Variants in GPC3 observed in about 807,000 individuals in gnomAD.
GPC3 encodes glypican 3.
GPC3 carries 3 observed loss-of-function variants against 34.4 expected under a neutral mutation model. The observed-to-expected ratio is 0.09, with a 90% CI of 0.04 to 0.23. The LOEUF is 0.23. GPC3 is among the 10% of genes least tolerant of loss of function. The probability of loss-of-function intolerance (pLI) is 1.00; values close to 1 mark genes in which losing one functional copy is unlikely to be tolerated. For missense variants in GPC3, 351 were observed against 445.6 expected (o/e 0.79, Z 1.91); for synonymous variants, 177 against 174.0 (o/e 1.02, Z -0.13).
At chrX:133,901,155 T>C (rs1389695062) in intron 2 of GPC3, among the ~76,000 whole-genome samples, 1 of 112,131 alleles carries the variant, frequency 8.9e-6, no homozygotes, top group South Asian at 3.7e-4. Context: ...TTTAATGGCA[T>C]ATGAAATGTT....
At chrX:133,886,781 T>C (rs1327668036) in intron 2 of GPC3, among the ~76,000 whole-genome samples, 1 of 112,334 alleles carries the variant, frequency 8.9e-6, no homozygotes, top group East Asian at 2.8e-4. Flanking sequence ...ATAATTTCCC[T>C]CTTCTGTGTG....
intron 5 of GPC3, among the ~76,000 whole-genome samples, chrX:133,666,241 ACAC>A (rs755025543): frequency 1.1e-4 from 12 of 112,000 alleles, no homozygotes; most frequent in Non-Finnish European, 2.3e-4. Context: ...CCAGGACTAA[ACAC>A]TGCTCCCTGA....
chrX:133,739,701 AAAAAC>A (rs1312810424), intron 3 of GPC3, among the ~76,000 whole-genome samples: 1 of 110,051 alleles, frequency 9.1e-6, no homozygotes, highest in Non-Finnish European at 1.9e-5. Flanking sequence ...AAACAAAAAC[AAAAAC>A]AAAACAAAAC....
chrX:133,772,087 C>T lies in GPC3; in HGVS notation c.338-17911G>A, dbSNP rs753571686. ...TATTTAGTTTTCAGTCTCCTTTCCACATGCCTCTCAAAGAACGCCAGGTAG... is the reference window on the plus strand; with the variant it reads ...TATTTAGTTTTCAGTCTCCTTTCCATATGCCTCTCAAAGAACGCCAGGTAG... On this transcript the variant is annotated intron_variant, in intron 2 of 7. Transcript: ENST00000370818. Among the ~76,000 whole-genome samples the T allele has an allele frequency of 2.7e-5, 3 of 111,406 alleles. No homozygotes were observed. The South Asian group carries it at 1.2e-3, about 43-fold the overall frequency.
chrX:133,945,579 T>C (rs1185095726), intron 2 of GPC3, among the ~76,000 whole-genome samples: 1 of 108,664 alleles, frequency 9.2e-6, no homozygotes, highest in African/African-American at 3.4e-5. Flanking sequence ...CACACTACCA[T>C]AAAGAAGTGA....
chrX:133,922,191 C>G (rs781280363), intron 2 of GPC3, among the ~76,000 whole-genome samples: 6 of 112,447 alleles, frequency 5.3e-5, no homozygotes, highest in Non-Finnish European at 1.1e-4. Flanking sequence ...AGAAGAATGA[C>G]TTTCTCTTCT....
At chrX:133,841,709 A>C in intron 2 of GPC3, among the ~76,000 whole-genome samples, 1 of 112,093 alleles carries the variant, frequency 8.9e-6, no homozygotes, top group Middle Eastern at 4.6e-3. Context: ...ACAAAGTATT[A>C]ATCTTAGGTG....
intron 2 of GPC3, among the ~76,000 whole-genome samples, chrX:133,793,431 T>C (rs746046090): frequency 1.8e-5 from 2 of 112,205 alleles, no homozygotes; most frequent in African/African-American, 6.5e-5. Flanking sequence ...CTGTGATGTA[T>C]GCATTTAAGT....
intron 2 of GPC3, among the ~76,000 whole-genome samples, chrX:133,921,671 A>G (rs923694232): frequency 2.7e-5 from 3 of 112,275 alleles, no homozygotes; most frequent in Non-Finnish European, 5.6e-5. Context: ...GTCCAATTCT[A>G]GCTTTTGAGC....
At chrX:133,906,734 C>T (rs917450419) in intron 2 of GPC3, among the ~76,000 whole-genome samples, 8 of 112,023 alleles carry the variant, frequency 7.1e-5, no homozygotes, top group African/African-American at 1.6e-4. Flanking sequence ...TTTTCATTTC[C>T]GTCTGCAAAA....
chrX:133,935,025 T>C (rs988481266), intron 2 of GPC3, among the ~76,000 whole-genome samples: 17 of 111,621 alleles, frequency 1.5e-4, no homozygotes, highest in African/African-American at 5.2e-4. Context: ...CAAATTTGCT[T>C]TAGCACATGA....
chrX:133,576,070 A>C (rs986504484), intron 7 of GPC3, among the ~76,000 whole-genome samples: 3 of 111,870 alleles, frequency 2.7e-5, no homozygotes, highest in African/African-American at 9.8e-5. Flanking sequence ...TCTGAGCATC[A>C]ACTCCATGGA....
At chrX:133,787,770 C>T (rs894150902) in intron 2 of GPC3, among the ~76,000 whole-genome samples, 3 of 110,957 alleles carry the variant, frequency 2.7e-5, no homozygotes, top group African/African-American at 9.9e-5. Flanking sequence ...TGGTCTTCCA[C>T]GTCCACACCT....
chrX:133,574,282 T>A (rs2124304634), intron 7 of GPC3, among the ~76,000 whole-genome samples: 1 of 111,365 alleles, frequency 9.0e-6, no homozygotes, highest in East Asian at 2.8e-4. Context: ...TAAAAACCAC[T>A]GAATTCTACA....
intron 2 of GPC3, among the ~76,000 whole-genome samples, chrX:133,863,780 C>T (rs754073942): frequency 9.8e-6 from 1 of 102,528 alleles, no homozygotes; most frequent in East Asian, 3.0e-4. Context: ...CTCAGCCTCC[C>T]GAGTAGCTGG....
intron 6 of GPC3, among the ~76,000 whole-genome samples, chrX:133,653,575 G>A (rs1229647002): frequency 1.8e-5 from 2 of 111,744 alleles, no homozygotes; most frequent in African/African-American, 6.5e-5. Context: ...TGAGCAACAG[G>A]TCTTGCTGAT....
intron 7 of GPC3, among the ~76,000 whole-genome samples, chrX:133,568,895 G>C (rs1247342915): frequency 1.8e-5 from 2 of 112,070 alleles, no homozygotes; most frequent in Non-Finnish European, 3.8e-5. Flanking sequence ...GGCCGGGCAA[G>C]GTGACTTACA....
intron 2 of GPC3, among the ~76,000 whole-genome samples, chrX:133,770,906 T>C (rs751482808): frequency 9.0e-6 from 1 of 111,669 alleles, no homozygotes; most frequent in South Asian, 3.8e-4. Context: ...TCTTTCCTCG[T>C]AACTCCCCCA....
intron 6 of GPC3, 134 bp downstream of exon 6, chrX:133,661,595 TC>T (rs1742333533): frequency 4.6e-5 from 1 of 21,683 alleles, no homozygotes; most frequent in Admixed American, 3.9e-4. Context: ...TCTCTCTCTC[TC>T]TCTCTCTCTC....
Sources: gnomAD v4.1 joint callset for allele counts (sites outside exome capture counted in the v4.1 genomes callset) on GRCh38, gnomAD v4.1.1 for gene constraint, MANE v1.5 for transcripts, NCBI Gene and HGNC (gene_info 2026-07-23, HGNC 2026-07-21) for gene names.